The following UCK2 variants were observed in gnomAD, a reference collection of about 807,000 sequenced individuals.
UCK2 encodes cytidine monophosphokinase 2.
In UCK2, 6 loss-of-function variants were observed where a neutral mutation model predicts 30.8. That is an observed-to-expected ratio of 0.19 (90% CI 0.11 to 0.38). The LOEUF is 0.38. Ranked by LOEUF, UCK2 falls within the 10% of genes least tolerant of loss-of-function variation. The probability of loss-of-function intolerance (pLI) is 1.00; values close to 1 mark genes in which losing one functional copy is unlikely to be tolerated. For synonymous variants in UCK2, 125 were observed against 133.6 expected (o/e 0.94, Z 0.45); for missense variants, 210 against 339.8 (o/e 0.62, Z 3.00).
At chr1:165,854,936 A>G (rs1477096048) in intron 1 of UCK2, among the ~76,000 whole-genome samples, 1 of 152,234 alleles carries the variant, frequency 6.6e-6, no homozygotes, top group Admixed American at 6.5e-5. Flanking sequence ...CTGGGTTTGA[A>G]TAATTAAATA....
intron 1 of UCK2, among the ~76,000 whole-genome samples, chr1:165,860,200 C>T (rs1654860824): frequency 6.6e-6 from 1 of 152,204 alleles, no homozygotes. Flanking sequence ...TTGATCACAC[C>T]TGCCTGCTGC....
chr1:165,891,450 C>T (rs1655766272), intron 3 of UCK2, 128 bp downstream of exon 3: 2 of 804,418 alleles, frequency 2.5e-6, no homozygotes, highest in Middle Eastern at 2.4e-4. Context: ...AATGCCATTC[C>T]AGCTGGTCAG....
At chr1:165,859,306 C>T (rs1003797675) in intron 1 of UCK2, among the ~76,000 whole-genome samples, 17 of 152,272 alleles carry the variant, frequency 1.1e-4, no homozygotes, top group African/African-American at 3.1e-4. Flanking sequence ...TCCTGCGCCC[C>T]GCCCCTCCAT....
At chr1:165,866,776 G>C (rs527980885) in intron 1 of UCK2, among the ~76,000 whole-genome samples, 1 of 152,300 alleles carries the variant, frequency 6.6e-6, no homozygotes, top group African/African-American at 2.4e-5. Flanking sequence ...TTGCCTTTTT[G>C]TGATTGGCTG....
chr1:165,844,237 C>T (rs776310796), intron 1 of UCK2, among the ~76,000 whole-genome samples: 16 of 152,236 alleles, frequency 1.1e-4, no homozygotes, highest in Non-Finnish European at 2.1e-4. Context: ...ATGCCTTCTC[C>T]TGCAGTGCCT....
intron 4 of UCK2, chr1:165,900,406 G>T (rs903346416): frequency 1.3e-5 from 2 of 152,210 alleles, no homozygotes; most frequent in Admixed American, 1.3e-4. Flanking sequence ...AGGAACTTAA[G>T]ATTCAAAGAG....
Position 165,887,543 on chromosome 1 carries a change from A to G in UCK2, c.100-2661A>G, listed in dbSNP as rs192841914. Among the ~76,000 whole-genome samples, 44 of 152,342 alleles carry G rather than the reference A, an allele frequency of 2.9e-4. 1 individual carries two copies. The East Asian group carries it at 8.3e-3, about 29-fold the overall frequency. On this transcript the variant is annotated intron_variant, in intron 1 of 6. Transcript: ENST00000367879. The stretch of plus-strand genomic sequence containing the variant: ...TTTAAATATAAATAAAAATATCACA[A>G]TTTGAATAACTAGATAATATACATT...
chr1:165,907,953 T>G lies in UCK2; in HGVS notation c.*130T>G. 7.6e-7 allele frequency: 1 copy of G among 1,316,442 alleles called. No homozygotes were observed. Among genetic ancestry groups the G allele is most frequent in the Admixed American group, 3.1e-5 (1 of 32,222 alleles). 81.5% of individuals were successfully genotyped at this position (1,316,442 alleles called of 1,614,324 possible). On this transcript the variant is annotated 3_prime_UTR_variant, in exon 7 of 7. Coordinates refer to ENST00000367879, the MANE Select transcript of UCK2 (RefSeq NM_012474.5). ...GAAAACACCATGGAGATGAAATGCCTTTGATTTTTTTTTTCTTTTTGTACT... is the reference window on the plus strand; with the variant it reads ...GAAAACACCATGGAGATGAAATGCCGTTGATTTTTTTTTTCTTTTTGTACT...
chr1:165,891,821 C>A (rs947078701), intron 3 of UCK2, among the ~76,000 whole-genome samples: 2 of 152,108 alleles, frequency 1.3e-5, no homozygotes, highest in African/African-American at 4.8e-5. Context: ...CCAGTCCTTT[C>A]CAGTGAAGCC....
intron 2 of UCK2, 74 bp from the exon 3 acceptor site, chr1:165,891,152 G>A: frequency 7.7e-7 from 1 of 1,304,470 alleles, no homozygotes; most frequent in South Asian, 1.3e-5. Context: ...ATGTTTATGA[G>A]GATGCCTTGT....
chr1:165,890,591 G>A (rs1305990508), intron 2 of UCK2, among the ~76,000 whole-genome samples: 1 of 152,190 alleles, frequency 6.6e-6, no homozygotes, highest in Non-Finnish European at 1.5e-5. Flanking sequence ...ATCTGTATCT[G>A]AACAAAGGTG....
chr1:165,839,971 G>T (rs951968989), intron 1 of UCK2, among the ~76,000 whole-genome samples: 3 of 152,230 alleles, frequency 2.0e-5, no homozygotes, highest in African/African-American at 7.2e-5. Flanking sequence ...TGCTGCCCAG[G>T]CTGGAGTGTG....
At chr1:165,833,288 C>T (rs1036268816) in intron 1 of UCK2, among the ~76,000 whole-genome samples, 1 of 152,120 alleles carries the variant, frequency 6.6e-6, no homozygotes, top group Non-Finnish European at 1.5e-5. Flanking sequence ...TCTGGCCCTT[C>T]GGACCTTCTT....
intron 1 of UCK2, among the ~76,000 whole-genome samples, chr1:165,871,678 G>A (rs1194903505): frequency 6.6e-6 from 1 of 152,052 alleles, no homozygotes; most frequent in African/African-American, 2.4e-5. Flanking sequence ...GGACAAGTGA[G>A]CTACCGAGGA....
At chr1:165,907,262 A>C (rs1647695514) in intron 6 of UCK2, among the ~76,000 whole-genome samples, 2 of 152,218 alleles carry the variant, frequency 1.3e-5, no homozygotes, top group African/African-American at 4.8e-5. Flanking sequence ...GGAGGGAAAG[A>C]GGGCCTTCCA....
intron 1 of UCK2, among the ~76,000 whole-genome samples, chr1:165,832,014 C>T (rs1448978670): frequency 1.3e-5 from 2 of 152,176 alleles, no homozygotes; most frequent in Non-Finnish European, 2.9e-5. Context: ...GGTGATCTGC[C>T]TGCCTTGGCC....
intron 1 of UCK2, among the ~76,000 whole-genome samples, chr1:165,855,837 C>T (rs1420532465): frequency 6.6e-6 from 1 of 152,114 alleles, no homozygotes; most frequent in Admixed American, 6.5e-5. Flanking sequence ...TTTCCTTGTC[C>T]TGGCCAATGT....
chr1:165,865,516 C>T (rs964544303), intron 1 of UCK2, among the ~76,000 whole-genome samples: 14 of 152,104 alleles, frequency 9.2e-5, no homozygotes, highest in African/African-American at 3.4e-4. Flanking sequence ...TTAGGGGGGA[C>T]AATTGATGTT....
At chr1:165,902,591 G>GTTTTTTTTTTT (rs1557850463) in intron 4 of UCK2, 6 of 38,884 alleles carry the variant, frequency 1.5e-4, no homozygotes, top group Admixed American at 3.6e-4. Flanking sequence ...TTCACTGAGT[G>GTTTTTTTTTTT]ATTTTTTTTT....
Sources: allele counts gnomAD v4.1 joint callset (sites outside exome capture counted in the v4.1 genomes callset), GRCh38; gene constraint gnomAD v4.1.1; transcripts MANE v1.5; gene names NCBI Gene and HGNC (gene_info 2026-07-23, HGNC 2026-07-21).